The following MAP2K6 variants were observed in gnomAD, a reference collection of about 807,000 sequenced individuals.
MAP2K6 encodes dual specificity mitogen-activated protein kinase kinase 6.
A neutral mutation model predicts 53.7 loss-of-function variants in MAP2K6; 16 were observed. That is an observed-to-expected ratio of 0.30 (90% CI 0.20 to 0.45). The LOEUF (loss-of-function observed/expected upper bound fraction) is 0.45, where lower values mean the gene tolerates loss of function less well. Among genes scored for constraint, MAP2K6 ranks in the 20% least tolerant of loss-of-function variants. The pLI, the probability that MAP2K6 is intolerant of heterozygous loss-of-function variation, is 1.00. For synonymous variants in MAP2K6, 132 were observed against 143.1 expected, an observed-to-expected ratio of 0.92 and a Z score of 0.55; for missense variants, 204 against 411.9, an observed-to-expected ratio of 0.50 and a Z score of 4.37.
intron 2 of MAP2K6, among the ~76,000 whole-genome samples, chr17:69,507,001 CGTA>C (rs1450185751): frequency 6.7e-6 from 1 of 148,748 alleles, no homozygotes; most frequent in African/African-American, 2.5e-5. Context: ...TTCTTTTTCT[CGTA>C]GACCTGTGAA....
rs1244193520 is a variant in MAP2K6 at position 69,544,668 on chromosome 17, T to G, written c.*2915T>G. ...ATATAATTGTCCATGTTATAATTTTTGAAAATGTTTATTAAAATAGCCATC... is the reference window on the plus strand; with the variant it reads ...ATATAATTGTCCATGTTATAATTTTGGAAAATGTTTATTAAAATAGCCATC... On this transcript the variant is annotated 3_prime_UTR_variant, in exon 12 of 12. Coordinates refer to ENST00000590474, the MANE Select transcript of MAP2K6 (RefSeq NM_002758.4). 6.6e-6 allele frequency: 1 copy of G among 152,240 alleles called. No individual in the cohort carries two copies. The highest frequency in any genetic ancestry group is 1.5e-5 in the Non-Finnish European group (1 of 68,044). 9.4% of individuals were successfully genotyped at this position (152,240 alleles called of 1,614,324 possible).
chr17:69,539,667 C>T (rs551750840), intron 11 of MAP2K6, among the ~76,000 whole-genome samples: 1 of 152,242 alleles, frequency 6.6e-6, no homozygotes, highest in East Asian at 1.9e-4. Flanking sequence ...CAGACTCAGG[C>T]AACATCTACT....
At chr17:69,529,920 T>C (rs1039766425) in intron 10 of MAP2K6, among the ~76,000 whole-genome samples, 1 of 152,156 alleles carries the variant, frequency 6.6e-6, no homozygotes, top group Non-Finnish European at 1.5e-5. Context: ...ATAACACCCA[T>C]AGTGCCTTCA....
chr17:69,533,198 C>T (rs1179278587), intron 10 of MAP2K6, among the ~76,000 whole-genome samples: 1 of 152,112 alleles, frequency 6.6e-6, no homozygotes, highest in Non-Finnish European at 1.5e-5. Flanking sequence ...CTCACCCTCA[C>T]AAAGTGTTGG....
chr17:69,451,853 G>A (rs1191367887), intron 1 of MAP2K6, among the ~76,000 whole-genome samples: 3 of 152,178 alleles, frequency 2.0e-5, no homozygotes, highest in African/African-American at 7.2e-5. Context: ...TCAGCAACTA[G>A]AGGAGAGAGT....
chr17:69,517,687 C>A, intron 4 of MAP2K6, 74 bp downstream of exon 4: 1 of 988,584 alleles, frequency 1.0e-6, no homozygotes, highest in Non-Finnish European at 1.4e-6. Context: ...TCAACCAGCC[C>A]TTTTAATAGA....
intron 2 of MAP2K6, among the ~76,000 whole-genome samples, chr17:69,508,990 A>G (rs1017529633): frequency 2.6e-5 from 4 of 152,220 alleles, no homozygotes; most frequent in African/African-American, 9.6e-5. Flanking sequence ...CTCTGCCAGT[A>G]TGACATTGTC....
chr17:69,514,692 G>C (rs111299378), intron 2 of MAP2K6, among the ~76,000 whole-genome samples: 22 of 152,096 alleles, frequency 1.4e-4, no homozygotes, highest in African/African-American at 5.1e-4. Context: ...CTCCCGAATA[G>C]CTGGGATTAC....
intron 1 of MAP2K6, among the ~76,000 whole-genome samples, chr17:69,491,866 C>T (rs564152847): frequency 4.6e-4 from 70 of 151,780 alleles, no homozygotes; most frequent in African/African-American, 1.5e-3. Flanking sequence ...TGATTTGATT[C>T]GGACTGGTCT....
At chr17:69,487,325 A>C (rs1908579325) in intron 1 of MAP2K6, among the ~76,000 whole-genome samples, 1 of 152,236 alleles carries the variant, frequency 6.6e-6, no homozygotes, top group Non-Finnish European at 1.5e-5. Flanking sequence ...CTCGAAACAG[A>C]GGAAGTAATA....
chr17:69,458,003 A>T (rs572701849), intron 1 of MAP2K6, among the ~76,000 whole-genome samples: 1 of 152,156 alleles, frequency 6.6e-6, no homozygotes, highest in South Asian at 2.1e-4. Context: ...AGGGAGTCCT[A>T]ACAAAATTGC....
At chr17:69,492,994 T>A (rs1322146279) in intron 1 of MAP2K6, among the ~76,000 whole-genome samples, 2 of 151,976 alleles carry the variant, frequency 1.3e-5, no homozygotes, top group African/African-American at 4.8e-5. Flanking sequence ...CATTTTTTTT[T>A]AATTGTGAAA....
chr17:69,458,300 G>T (rs766380360), intron 1 of MAP2K6, among the ~76,000 whole-genome samples: 1 of 152,154 alleles, frequency 6.6e-6, no homozygotes, highest in Non-Finnish European at 1.5e-5. Context: ...TGATCTGCCT[G>T]TCTCGGCCTC....
chr17:69,476,493 T>C (rs1439114562), intron 1 of MAP2K6, among the ~76,000 whole-genome samples: 1 of 152,196 alleles, frequency 6.6e-6, no homozygotes, highest in Non-Finnish European at 1.5e-5. Flanking sequence ...ATGAGAAAAC[T>C]CATGGAGTCC....
At chr17:69,451,175 C>T (rs1382779788) in intron 1 of MAP2K6, among the ~76,000 whole-genome samples, 1 of 152,200 alleles carries the variant, frequency 6.6e-6, no homozygotes. Context: ...CAGGGGCTAT[C>T]AGTGGTGTGC....
rs902063911 is a variant in MAP2K6, at chr17:69,544,078, T to C, written c.*2325T>C. Reference sequence around the variant, plus strand: ...TGTGAAGCTGGGTTCAGAACACTTATCTAGTACCTTCTAAAGAGAACTGAC... The same window carrying C: ...TGTGAAGCTGGGTTCAGAACACTTACCTAGTACCTTCTAAAGAGAACTGAC... On this transcript the variant is annotated 3_prime_UTR_variant, in exon 12 of 12. Transcript: ENST00000590474. 3.3e-5 allele frequency: 5 copies of C among 152,206 alleles called. No homozygotes were observed. The highest frequency in any genetic ancestry group is 5.9e-5 in the Non-Finnish European group (4 of 68,036). The allele number at this position is 152,206 out of a possible 1,614,324, so 9.4% of individuals were successfully genotyped here.
intron 10 of MAP2K6, among the ~76,000 whole-genome samples, chr17:69,532,298 T>C (rs1911126156): frequency 6.6e-6 from 1 of 152,226 alleles, no homozygotes; most frequent in Non-Finnish European, 1.5e-5. Context: ...ATGTACCAAA[T>C]AGCCCTTCTT....
chr17:69,489,576 AAGTTAG>A (rs1192192520), intron 1 of MAP2K6, among the ~76,000 whole-genome samples: 12 of 152,228 alleles, frequency 7.9e-5, no homozygotes, highest in Non-Finnish European at 1.5e-4. Flanking sequence ...AGGAGTTAAA[AAGTTAG>A]AGTTTAAATC....
intron 1 of MAP2K6, chr17:69,485,595 C>A: frequency 3.9e-6 from 1 of 259,236 alleles, no homozygotes; most frequent in Non-Finnish European, 6.0e-6. Context: ...CTTGGCAGAA[C>A]ACCCTGTTAT....
Sources: gnomAD v4.1 joint callset for allele counts (sites outside exome capture counted in the v4.1 genomes callset) on GRCh38, gnomAD v4.1.1 for gene constraint, MANE v1.5 for transcripts, NCBI Gene and HGNC (gene_info 2026-07-23, HGNC 2026-07-21) for gene names.